The following PRKAG2 variants were observed in gnomAD, a reference collection of about 807,000 sequenced individuals.
The protein encoded by PRKAG2 is protein kinase AMP-activated non-catalytic subunit gamma 2, also known as 5'-AMP-activated protein kinase subunit gamma-2.
PRKAG2 carries 26 observed loss-of-function variants against 69.6 expected under a neutral mutation model. The observed-to-expected ratio is 0.37, with a 90% confidence interval of 0.27 to 0.52. The LOEUF is 0.52. Ranked by LOEUF, PRKAG2 falls within the 20% of genes least tolerant of loss-of-function variation. The pLI is 0.90. For missense variants in PRKAG2, 557 were observed against 740.0 expected, an observed-to-expected ratio of 0.75 and a Z score of 2.87; for synonymous variants, 293 against 285.0, an observed-to-expected ratio of 1.03 and a Z score of -0.28.
intron 1 of PRKAG2, among the ~76,000 whole-genome samples, chr7:151,799,209 A>C (rs2077700281): frequency 6.6e-6 from 1 of 152,220 alleles, no homozygotes; most frequent in Non-Finnish European, 1.5e-5. Flanking sequence ...ACAGATGTCC[A>C]GAGATTCAAG....
chr7:151,621,409 G>A (rs187547494), intron 5 of PRKAG2, among the ~76,000 whole-genome samples: 1,930 of 152,292 alleles, frequency 0.013, 23 homozygotes, highest in Non-Finnish European at 0.021. Context: ...GGGGCTGGGT[G>A]CAATAGCTCA....
chr7:151,847,550 C>T (rs909660397), intron 1 of PRKAG2, among the ~76,000 whole-genome samples: 1 of 152,204 alleles, frequency 6.6e-6, no homozygotes, highest in East Asian at 1.9e-4. Context: ...TGAGGCTGTA[C>T]CCCCTGGCCT....
chr7:151,821,681 C>T (rs552826263), intron 1 of PRKAG2, among the ~76,000 whole-genome samples: 13 of 152,336 alleles, frequency 8.5e-5, no homozygotes, highest in Admixed American at 5.2e-4. Context: ...TTGGATTCCT[C>T]GTCCTGAGCA....
chr7:151,855,030 T>TCCACACACACCAC lies in PRKAG2; in HGVS notation c.114+21476_114+21477insGTGGTGTGTGTGG, dbSNP rs2079681057. Among the ~76,000 whole-genome samples the TCCACACACACCAC allele has an allele frequency of 5.1e-4, 8 of 15,812 alleles. 1 individual carries two copies. The highest frequency in any genetic ancestry group is 1.4e-3 in the African/African-American group (5 of 3,658). The allele number at this position is 15,812 out of a possible 152,430, so 10.4% of individuals were successfully genotyped here. On this transcript the variant is annotated intron_variant, in intron 1 of 15. Transcript: ENST00000287878. ...CACACACCACCCTCCACACACACCATGCTCCACACACACCGCCCTCCACAC... is the reference window on the plus strand; with the variant it reads ...CACACACCACCCTCCACACACACCATCCACACACACCACGCTCCACACACACCGCCCTCCACAC...
At chr7:151,748,127 C>T (rs2074414699) in intron 3 of PRKAG2, among the ~76,000 whole-genome samples, 1 of 151,884 alleles carries the variant, frequency 6.6e-6, no homozygotes, top group Non-Finnish European at 1.5e-5. Context: ...CACCATGTTG[C>T]CCAGACTGGT....
intron 3 of PRKAG2, among the ~76,000 whole-genome samples, chr7:151,680,365 T>A (rs1169053648): frequency 6.6e-6 from 1 of 152,202 alleles, no homozygotes; most frequent in African/African-American, 2.4e-5. Context: ...GCAGCCACCA[T>A]TCCTGTCGGA....
intron 1 of PRKAG2, among the ~76,000 whole-genome samples, chr7:151,821,972 C>T (rs943760847): frequency 3.3e-5 from 5 of 152,200 alleles, no homozygotes; most frequent in Admixed American, 6.5e-5. Flanking sequence ...CGGAGGCGAA[C>T]AGGGCCTGAG....
At chr7:151,734,784 C>A (rs1325913980) in intron 3 of PRKAG2, among the ~76,000 whole-genome samples, 1 of 150,602 alleles carries the variant, frequency 6.6e-6, no homozygotes, top group Non-Finnish European at 1.5e-5. Context: ...CTCCTGGGTT[C>A]AAGTGATCCT....
At chr7:151,588,482 C>T (rs1812224538) in intron 6 of PRKAG2, among the ~76,000 whole-genome samples, 1 of 152,128 alleles carries the variant, frequency 6.6e-6, no homozygotes, top group Admixed American at 6.5e-5. Context: ...CCTGCTTCAG[C>T]CTCCCAAATA....
chr7:151,792,776 C>T (rs1048551678), intron 1 of PRKAG2, among the ~76,000 whole-genome samples: 1 of 152,228 alleles, frequency 6.6e-6, no homozygotes, highest in Non-Finnish European at 1.5e-5. Context: ...AGCAACACAT[C>T]GAGAATGATT....
At chr7:151,773,076 AGGGAGGGAGGGAGGG>A (rs1167599782) in intron 3 of PRKAG2, among the ~76,000 whole-genome samples, 38 of 30,496 alleles carry the variant, frequency 1.2e-3, no homozygotes, top group African/African-American at 2.6e-3. Flanking sequence ...GGAGGGAGGG[AGGGAGGGAGGGAGGG>A]AGGGAAGGGA....
rs1463106057 is a variant in PRKAG2, at chr7:151,756,710, C to T, written c.466+24442G>A. Among the ~76,000 whole-genome samples the T allele has an allele frequency of 1.3e-5, 2 of 152,210 alleles. No individual in the cohort carries two copies. Among genetic ancestry groups the T allele is most frequent in the South Asian group, 2.1e-4 (1 of 4,828 alleles). ...CCCAGCGCCGCCCTCTTCCCTTCTCCCACCTGGGGTGGGAAAGGATTTTCC... is the reference window on the plus strand; with the variant it reads ...CCCAGCGCCGCCCTCTTCCCTTCTCTCACCTGGGGTGGGAAAGGATTTTCC... On this transcript the variant is annotated intron_variant, in intron 3 of 15. Transcript: ENST00000287878. The surrounding 1 kb of genome is among the most constrained non-coding windows in gnomAD (Gnocchi z 4.9).
chr7:151,825,620 C>T (rs2078889080), intron 1 of PRKAG2, among the ~76,000 whole-genome samples: 1 of 152,204 alleles, frequency 6.6e-6, no homozygotes, highest in East Asian at 1.9e-4. Flanking sequence ...GGGAAGAATA[C>T]ATTTGAAGCC....
At chr7:151,817,081 C>G (rs2078664249) in intron 1 of PRKAG2, among the ~76,000 whole-genome samples, 1 of 152,166 alleles carries the variant, frequency 6.6e-6, no homozygotes, top group African/African-American at 2.4e-5. Context: ...CTGCCCACCG[C>G]AAGCACGGTC....
At chr7:151,784,872 G>C (rs914111280) in intron 2 of PRKAG2, among the ~76,000 whole-genome samples, 2 of 152,172 alleles carry the variant, frequency 1.3e-5, no homozygotes, top group African/African-American at 4.8e-5. Flanking sequence ...CTGGATGCTG[G>C]GCCCTGTCTG....
chr7:151,612,215 G>A (rs1404067767), intron 5 of PRKAG2, among the ~76,000 whole-genome samples: 1 of 152,168 alleles, frequency 6.6e-6, no homozygotes, highest in South Asian at 2.1e-4. Context: ...TCCCCAGGAT[G>A]CCCATCCTCT....
chr7:151,628,471 G>T (rs1823562850), intron 5 of PRKAG2, among the ~76,000 whole-genome samples: 1 of 152,212 alleles, frequency 6.6e-6, no homozygotes, highest in African/African-American at 2.4e-5. Context: ...CCAGTAGTTA[G>T]GGAGACTGCA....
At chr7:151,738,792 G>A (rs2073655877) in intron 3 of PRKAG2, among the ~76,000 whole-genome samples, 1 of 152,218 alleles carries the variant, frequency 6.6e-6, no homozygotes, top group African/African-American at 2.4e-5. Flanking sequence ...CAGCTCTGAA[G>A]GCTGTGAGAC....
intron 3 of PRKAG2, among the ~76,000 whole-genome samples, chr7:151,728,519 G>A (rs550209163): frequency 6.6e-6 from 1 of 152,320 alleles, no homozygotes; most frequent in South Asian, 2.1e-4. Flanking sequence ...TCACCAAGCT[G>A]TGGTGGCTTC....
Sources: allele counts gnomAD v4.1 joint callset (sites outside exome capture counted in the v4.1 genomes callset), GRCh38; gene constraint gnomAD v4.1.1; non-coding constraint Gnocchi (gnomAD v3.1); transcripts MANE v1.5; gene names NCBI Gene and HGNC (gene_info 2026-07-23, HGNC 2026-07-21).